The following SGCD variants were observed in gnomAD, a reference collection of about 807,000 sequenced individuals.
The protein encoded by SGCD is sarcoglycan delta.
In SGCD, 18 loss-of-function variants were observed where a neutral mutation model predicts 36.6. The observed-to-expected ratio is 0.49, with a 90% CI of 0.34 to 0.73. The LOEUF is 0.73. Ranked by LOEUF, SGCD falls within the 30% of genes least tolerant of loss-of-function variation. The pLI is 0.01. For synonymous variants in SGCD, 133 were observed against 130.6 expected, an observed-to-expected ratio of 1.02 and a Z score of -0.12; for missense variants, 387 against 346.7, an observed-to-expected ratio of 1.12 and a Z score of -0.92.
intron 3 of SGCD, among the ~76,000 whole-genome samples, chr5:156,206,131 A>G (rs983627613): frequency 2.0e-5 from 3 of 151,430 alleles, no homozygotes; most frequent in Non-Finnish European, 2.9e-5. Context: ...ATATTATTTT[A>G]TACCTTGGTG....
At chr5:156,535,375 C>G (rs1047701699) in intron 4 of SGCD, among the ~76,000 whole-genome samples, 1 of 152,098 alleles carries the variant, frequency 6.6e-6, no homozygotes, top group Non-Finnish European at 1.5e-5. Flanking sequence ...GAGCCATTAC[C>G]CTTCCATTTA....
At chr5:155,755,020 A>G in the SGCD span, among the ~76,000 whole-genome samples, 1 of 152,130 alleles carries the variant, frequency 6.6e-6, no homozygotes, top group Non-Finnish European at 1.5e-5. Flanking sequence ...CCAGGCTGCC[A>G]CCTCTGAACT....
chr5:156,114,902 G>A (rs540476153), intron 1 of SGCD, among the ~76,000 whole-genome samples: 11 of 152,048 alleles, frequency 7.2e-5, no homozygotes, highest in Non-Finnish European at 8.8e-5. Flanking sequence ...TGGAGAAAAG[G>A]TGTTCAATAT....
intron 7 of SGCD, among the ~76,000 whole-genome samples, chr5:156,677,579 C>G (rs1212248303): frequency 6.6e-6 from 1 of 151,956 alleles, no homozygotes; most frequent in Non-Finnish European, 1.5e-5. Flanking sequence ...AGGAGGACTA[C>G]CTAATGTAAA....
At chr5:156,649,254 G>T (rs1763360250) in intron 7 of SGCD, among the ~76,000 whole-genome samples, 5 of 152,124 alleles carry the variant, frequency 3.3e-5, no homozygotes, top group Admixed American at 3.3e-4. Flanking sequence ...CACTTTTACA[G>T]TGTTGGTGGG....
At chr5:156,739,196 C>CTTAAG (rs1211137099) in intron 7 of SGCD, among the ~76,000 whole-genome samples, 2 of 151,994 alleles carry the variant, frequency 1.3e-5, no homozygotes, top group Non-Finnish European at 2.9e-5. Context: ...CAATAATAAT[C>CTTAAG]TTAAGTTGTT....
intron 3 of SGCD, among the ~76,000 whole-genome samples, chr5:156,136,530 T>C (rs1561534694): frequency 6.6e-6 from 1 of 152,172 alleles, no homozygotes; most frequent in Non-Finnish European, 1.5e-5. Flanking sequence ...AGTGCATCCA[T>C]GGATTAAAAG....
intron 3 of SGCD, among the ~76,000 whole-genome samples, chr5:156,222,757 A>G (rs1406227386): frequency 1.3e-5 from 2 of 152,252 alleles, no homozygotes; most frequent in East Asian, 1.9e-4. Flanking sequence ...AAAATAAAAT[A>G]TAATTCTTTT....
At chr5:155,837,245 C>T in the SGCD span, among the ~76,000 whole-genome samples, 1 of 152,132 alleles carries the variant, frequency 6.6e-6, no homozygotes, top group Non-Finnish European at 1.5e-5. Context: ...GTAACTTCCG[C>T]CTCCAGGGTT....
intron 3 of SGCD, among the ~76,000 whole-genome samples, chr5:156,210,925 TG>T (rs376345311): frequency 6.2e-4 from 95 of 152,040 alleles, no homozygotes; most frequent in African/African-American, 2.2e-3. Context: ...TTTATAAATC[TG>T]GGGGAAAGAG....
the SGCD span, among the ~76,000 whole-genome samples, chr5:155,749,066 T>C: frequency 6.6e-6 from 1 of 152,246 alleles, no homozygotes. Flanking sequence ...GACATCATAA[T>C]GCATGCAGAA....
chr5:156,713,478 G>GA (rs1463727458), intron 7 of SGCD, among the ~76,000 whole-genome samples: 1 of 152,012 alleles, frequency 6.6e-6, no homozygotes, highest in African/African-American at 2.4e-5. Flanking sequence ...TTAGGCAGAT[G>GA]AAACCTCTCA....
rs903935231 is a variant in SGCD at position 155,919,886 on chromosome 5, G to C, written c.-282+49462G>C. Among the ~76,000 whole-genome samples, 4 of 152,156 alleles carry C rather than the reference G, an allele frequency of 2.6e-5. No individual in the cohort carries two copies. In the South Asian group the frequency reaches 6.2e-4, roughly 24 times the overall value. On this transcript the variant is annotated intron_variant, in intron 1 of 9. Coordinates refer to the SGCD transcript ENST00000517913. ...GGAAAACAGAAAGACCCCCTGTCTT[G>C]AAGGAAATTTCCACTTTGCATGGGA... is the stretch of plus-strand genomic sequence containing the variant.
At chr5:156,590,013 A>T (rs1479324624) in intron 5 of SGCD, among the ~76,000 whole-genome samples, 1 of 152,102 alleles carries the variant, frequency 6.6e-6, no homozygotes, top group South Asian at 2.1e-4. Context: ...ATCAATGCCC[A>T]CTCTGTAAGC....
chr5:156,040,101 CA>C (rs1469159919), intron 1 of SGCD, among the ~76,000 whole-genome samples: 7 of 152,132 alleles, frequency 4.6e-5, no homozygotes, highest in African/African-American at 1.4e-4. Context: ...TGACCAATGG[CA>C]AAAGCATGAA....
chr5:156,437,307 A>G (rs894604234), intron 3 of SGCD, among the ~76,000 whole-genome samples: 2 of 152,258 alleles, frequency 1.3e-5, no homozygotes, highest in Admixed American at 6.5e-5. Context: ...TCTTCCCATT[A>G]TACTTCAAAG....
At chr5:156,657,205 G>A (rs888649022) in intron 7 of SGCD, among the ~76,000 whole-genome samples, 1 of 151,246 alleles carries the variant, frequency 6.6e-6, no homozygotes, top group Non-Finnish European at 1.5e-5. Flanking sequence ...CAAAATATTG[G>A]ATAAATAGTC....
intron 1 of SGCD, among the ~76,000 whole-genome samples, chr5:155,890,862 G>T (rs1756112556): frequency 6.6e-6 from 1 of 152,078 alleles, no homozygotes; most frequent in Non-Finnish European, 1.5e-5. Context: ...CTGGGGTGGT[G>T]GTGGTGGGAG....
chr5:156,262,090 A>G (rs1351903341), intron 3 of SGCD, among the ~76,000 whole-genome samples: 1 of 152,172 alleles, frequency 6.6e-6, no homozygotes, highest in East Asian at 1.9e-4. Flanking sequence ...TAAATGTAGC[A>G]TAGTCTAAGT....
Sources: gnomAD v4.1 joint callset for allele counts (sites outside exome capture counted in the v4.1 genomes callset) on GRCh38, gnomAD v4.1.1 for gene constraint, MANE v1.5 for transcripts, NCBI Gene and HGNC (gene_info 2026-07-23, HGNC 2026-07-21) for gene names.